NUF2: variants seen among roughly 807,000 people sequenced by gnomAD.
NUF2 encodes kinetochore protein Nuf2.
In NUF2, 34 loss-of-function variants were observed where a neutral mutation model predicts 61.8. The ratio of observed to expected loss-of-function variants is 0.55; its 90% confidence interval spans 0.42 to 0.73. The LOEUF (loss-of-function observed/expected upper bound fraction) is 0.73. Ranked by LOEUF, NUF2 falls within the 30% of genes least tolerant of loss-of-function variation. The pLI is 0.00. For missense variants in NUF2, 445 were observed against 539.1 expected (o/e 0.83, Z 1.73); for synonymous variants, 172 against 181.6 (o/e 0.95, Z 0.42).
chr1:163,343,470 C>T (rs1200198967), intron 9 of NUF2, among the ~76,000 whole-genome samples: 1 of 151,886 alleles, frequency 6.6e-6, no homozygotes, highest in African/African-American at 2.4e-5. Flanking sequence ...TTGTAGGGTG[C>T]AGTAGGGAAC....
intron 13 of NUF2, among the ~76,000 whole-genome samples, chr1:163,352,290 T>A (rs1651348062): frequency 1.3e-5 from 2 of 152,238 alleles, no homozygotes. Context: ...TTTGTAGTAG[T>A]CATGGATTGC....
intron 4 of NUF2, chr1:163,328,564 A>G: frequency 2.0e-6 from 1 of 504,284 alleles, no homozygotes; most frequent in East Asian, 3.1e-5. Context: ...CTTTGTGAAG[A>G]GGTTTGAGTT....
intron 5 of NUF2, among the ~76,000 whole-genome samples, chr1:163,335,460 A>G (rs962440034): frequency 2.0e-5 from 3 of 151,904 alleles, no homozygotes; most frequent in Non-Finnish European, 2.9e-5. Flanking sequence ...GTTTCTCTCT[A>G]TATAATGTGT....
At chr1:163,325,038 A>G (rs1364062494) in intron 1 of NUF2, among the ~76,000 whole-genome samples, 3 of 151,664 alleles carry the variant, frequency 2.0e-5, no homozygotes, top group Non-Finnish European at 4.4e-5. Context: ...CTGGGACTAC[A>G]GGCATAGGCC....
chr1:163,329,925 T>G (rs987664544), intron 5 of NUF2, among the ~76,000 whole-genome samples: 1 of 152,090 alleles, frequency 6.6e-6, no homozygotes, highest in Admixed American at 6.6e-5. Context: ...TAAATGCATA[T>G]TATTAAGTGA....
intron 10 of NUF2, 113 bp from the exon 11 acceptor site, chr1:163,345,565 C>T (rs572388775): frequency 5.6e-6 from 5 of 891,866 alleles, no homozygotes; most frequent in Middle Eastern, 2.7e-4. Flanking sequence ...GTTCCGTGCT[C>T]TTAAGGTTTC....
intron 12 of NUF2, 25 bp from the exon 13 acceptor site, chr1:163,348,920 A>G: frequency 2.5e-6 from 4 of 1,599,496 alleles, no homozygotes; most frequent in Non-Finnish European, 2.6e-6. Flanking sequence ...AGGATTAAAT[A>G]TTAGCTGTCT....
chr1:163,344,224 A>G (rs988619455), intron 10 of NUF2, among the ~76,000 whole-genome samples: 2 of 152,162 alleles, frequency 1.3e-5, no homozygotes, highest in African/African-American at 2.4e-5. Flanking sequence ...ATAACAAAGT[A>G]TAAGGTATGC....
At chr1:163,328,577 T>TAAA in intron 4 of NUF2, 1 of 505,110 alleles carries the variant, frequency 2.0e-6, no homozygotes, top group East Asian at 3.1e-5. Flanking sequence ...TTTGAGTTCT[T>TAAA]AAAAGAGTCT....
At chr1:163,323,039 A>C (rs565758178) in intron 1 of NUF2, 1 of 152,328 alleles carries the variant, frequency 6.6e-6, no homozygotes, top group Non-Finnish European at 1.5e-5. Context: ...ATTTCATTCA[A>C]TTATTAAAGG....
At chr1:163,340,595 G>A (rs897412662) in intron 9 of NUF2, among the ~76,000 whole-genome samples, 169 bp downstream of exon 9, 13 of 151,974 alleles carry the variant, frequency 8.6e-5, no homozygotes, top group African/African-American at 2.9e-4. Context: ...AAAAAATATC[G>A]AAACACAGAA....
chr1:163,330,107 C>G (rs1650547737), intron 5 of NUF2, among the ~76,000 whole-genome samples: 2 of 152,144 alleles, frequency 1.3e-5, no homozygotes, highest in Non-Finnish European at 2.9e-5. Flanking sequence ...GTATGCTACT[C>G]TAATGGTAGA....
At position 163,327,575 on chromosome 1, in the gene NUF2, T is replaced by G; in HGVS notation, c.198+13T>G. The G allele has an allele frequency of 6.4e-7, 1 of 1,552,302 alleles. No individual in the cohort carries two copies. Among genetic ancestry groups the G allele is most frequent in the Non-Finnish European group, 8.9e-7 (1 of 1,124,488 alleles). ...ACATTTTTACATGGTGAGTTTAAGA[T>G]GAGGCAAAATTATGGGGTTTTTTTT... On this transcript the variant is annotated intron_variant, in intron 3 of 13. Transcript: ENST00000271452.
At chr1:163,324,618 T>C (rs1273810449) in intron 1 of NUF2, among the ~76,000 whole-genome samples, 3 of 152,206 alleles carry the variant, frequency 2.0e-5, no homozygotes, top group African/African-American at 7.2e-5. Flanking sequence ...ATCATTTTGC[T>C]TCACTGGAGA....
At position 163,349,002 on chromosome 1, in the gene NUF2, T is replaced by C. The variant is rs764293228; in HGVS notation, c.1182T>C (p.Ile394=). 5.6e-5 allele frequency: 90 copies of C among 1,611,418 alleles called. No individual in the cohort carries two copies. Among genetic ancestry groups the C allele is most frequent in the Middle Eastern group, 1.7e-4 (1 of 6,006 alleles). Residue 394 remains isoleucine (I), a synonymous_variant, in exon 13 of 14, where the codon ATT becomes ATC. Transcript: ENST00000271452. ...RGAVYERVTT[I]NQEIQKIKLG... ...CTGTCTATGAACGAGTAACCACAAT[T>C]AATCAAGAAATCCAAAAAATTAAAC... is the stretch of plus-strand genomic sequence containing the variant.
At chr1:163,324,905 T>TTC (rs1557945224) in intron 1 of NUF2, among the ~76,000 whole-genome samples, 7 of 127,982 alleles carry the variant, frequency 5.5e-5, no homozygotes, top group Admixed American at 1.6e-4. Flanking sequence ...TCTTTCTTTT[T>TTC]TTTTTTTTTT....
intron 1 of NUF2, chr1:163,322,901 C>A (rs1650283708): frequency 6.6e-6 from 1 of 152,176 alleles, no homozygotes; most frequent in South Asian, 2.1e-4. Flanking sequence ...GTGTCTTCAT[C>A]TCTCGTTAAT....
At chr1:163,327,796 T>A in intron 3 of NUF2, 1 of 480,678 alleles carries the variant, frequency 2.1e-6, no homozygotes, top group Non-Finnish European at 3.7e-6. Context: ...AAGACTTAAA[T>A]GACACAGATC....
At chr1:163,344,151 A>G (rs1407101537) in intron 10 of NUF2, among the ~76,000 whole-genome samples, 1 of 152,162 alleles carries the variant, frequency 6.6e-6, no homozygotes, top group Non-Finnish European at 1.5e-5. Context: ...TTACTTTATT[A>G]CAAGGGAGGA....
Sources: gnomAD v4.1 joint callset for allele counts (sites outside exome capture counted in the v4.1 genomes callset) on GRCh38, gnomAD v4.1.1 for gene constraint, MANE v1.5 for transcripts, NCBI Gene and HGNC (gene_info 2026-07-23, HGNC 2026-07-21) for gene names.